Variants in HOOK1 observed in about 807,000 individuals in gnomAD.
The protein encoded by HOOK1 is hook microtubule tethering protein 1.
Under a neutral mutation model 112.8 loss-of-function variants are expected in HOOK1, and 60 were observed. That is an observed-to-expected ratio of 0.53 (90% CI 0.43 to 0.66). HOOK1 has a LOEUF of 0.66. HOOK1 is among the 30% of genes least tolerant of loss of function. HOOK1 has a pLI of 0.00. For missense variants in HOOK1, 770 were observed against 856.0 expected (o/e 0.90, Z 1.25); for synonymous variants, 294 against 283.8 (o/e 1.04, Z -0.36).
chr1:59,847,069 CCGTGTTCA>C lies in HOOK1; in HGVS notation c.815_822del (p.Arg272LeufsTer2). The C allele has an allele frequency of 6.2e-7, 1 of 1,606,006 alleles. No homozygotes were observed. Among genetic ancestry groups the C allele is most frequent in the Non-Finnish European group, 8.5e-7 (1 of 1,176,376 alleles). On this transcript the variant is annotated frameshift_variant, in exon 10 of 22. Coordinates refer to ENST00000371208, the MANE Select transcript of HOOK1 (RefSeq NM_015888.6). LOFTEE classifies it high-confidence loss of function. ...GGCTTGAAGCTGCAAAAGATGATTACCGTGTTCACTGTGAAGAACTTGAAAAGCAGCTA... is the reference window on the plus strand; with the variant it reads ...GGCTTGAAGCTGCAAAAGATGATTACCTGTGAAGAACTTGAAAAGCAGCTA...
At chr1:59,869,498 A>G (rs1644020057) in intron 20 of HOOK1, among the ~76,000 whole-genome samples, 1 of 152,124 alleles carries the variant, frequency 6.6e-6, no homozygotes, top group Admixed American at 6.6e-5. Context: ...AGCTGTATTC[A>G]GTTTCTTTTT....
At chr1:59,815,295 G>C in intron 1 of HOOK1, 115 bp downstream of exon 1, 1 of 953,088 alleles carries the variant, frequency 1.0e-6, no homozygotes, top group Non-Finnish European at 1.5e-6. Flanking sequence ...GGCGCACCCT[G>C]CCCTTCTCAC....
chr1:59,848,732 A>G (rs748551799), intron 11 of HOOK1, among the ~76,000 whole-genome samples: 50 of 151,082 alleles, frequency 3.3e-4, no homozygotes, highest in Non-Finnish European at 5.8e-4. Flanking sequence ...TCCTGAAATT[A>G]TTTTTTCTTT....
intron 8 of HOOK1, among the ~76,000 whole-genome samples, chr1:59,841,646 T>C (rs2098401067): frequency 1.3e-5 from 2 of 152,232 alleles, no homozygotes; most frequent in South Asian, 2.1e-4. Context: ...TCATTTTAAA[T>C]GGGATCATAT....
At chr1:59,862,736 G>A in intron 15 of HOOK1, 48 bp from the exon 16 acceptor site, 2 of 1,140,736 alleles carry the variant, frequency 1.8e-6, no homozygotes, top group Non-Finnish European at 1.3e-6. Context: ...ATCCTTAACT[G>A]CTTTGACTTT....
At chr1:59,854,155 G>A (rs1244962378) in intron 12 of HOOK1, among the ~76,000 whole-genome samples, 3 of 142,760 alleles carry the variant, frequency 2.1e-5, no homozygotes, top group African/African-American at 5.3e-5. Context: ...GGGTTCAAGC[G>A]ACTCTCCTGC....
intron 11 of HOOK1, among the ~76,000 whole-genome samples, chr1:59,848,762 A>G (rs1013173891): frequency 1.3e-5 from 2 of 151,416 alleles, no homozygotes; most frequent in Non-Finnish European, 3.0e-5. Context: ...ATTGTTTATT[A>G]GCATTTCTGG....
At chr1:59,845,398 A>C (rs185106685) in intron 9 of HOOK1, among the ~76,000 whole-genome samples, 6 of 151,828 alleles carry the variant, frequency 4.0e-5, no homozygotes, top group Non-Finnish European at 8.8e-5. Context: ...TCTGTCTTGT[A>C]TTTATTTTCC....
intron 1 of HOOK1, among the ~76,000 whole-genome samples, chr1:59,817,668 C>T (rs2098382644): frequency 6.6e-6 from 1 of 152,092 alleles, no homozygotes; most frequent in Non-Finnish European, 1.5e-5. Flanking sequence ...TTTTTTCCCT[C>T]TACCTAGAAT....
In HOOK1 at chr1:59,873,251, G is replaced by A. The variant is rs1317393802; in HGVS notation, c.*286G>A. The A allele has an allele frequency of 4.3e-6, 1 of 231,146 alleles. No individual in the cohort carries two copies. Among genetic ancestry groups the A allele is most frequent in the African/African-American group, 2.3e-5 (1 of 44,428 alleles). The allele number at this position is 231,146 out of a possible 1,614,324, so 14.3% of individuals were successfully genotyped here. ...TTGAGAGTATTATAATTTCAAATTG[G>A]CCTTGTATATTTTAGTTAAATGTTT... On this transcript the variant is annotated 3_prime_UTR_variant, in exon 22 of 22. Transcript: ENST00000371208.
intron 20 of HOOK1, 25 bp downstream of exon 20, chr1:59,868,376 T>G: frequency 7.8e-7 from 1 of 1,278,646 alleles, no homozygotes. Context: ...TTTACTCATC[T>G]TTTAGTTATT....
At chr1:59,869,421 A>G (rs1644018950) in intron 20 of HOOK1, among the ~76,000 whole-genome samples, 1 of 152,168 alleles carries the variant, frequency 6.6e-6, no homozygotes, top group African/African-American at 2.4e-5. Flanking sequence ...GGAACTCCTC[A>G]CCTCAAGTGA....
chr1:59,847,602 T>G (rs1284922377), intron 10 of HOOK1, among the ~76,000 whole-genome samples: 5 of 151,656 alleles, frequency 3.3e-5, no homozygotes, highest in African/African-American at 9.7e-5. Flanking sequence ...TCCTAACTTT[T>G]TTTGGGGGAG....
At chr1:59,836,010 G>A (rs1459735641) in intron 6 of HOOK1, among the ~76,000 whole-genome samples, 1 of 152,018 alleles carries the variant, frequency 6.6e-6, no homozygotes, top group Non-Finnish European at 1.5e-5. Flanking sequence ...AGGATAAACA[G>A]TCTCTGACCA....
chr1:59,829,642 T>G (rs2098392372), intron 3 of HOOK1, among the ~76,000 whole-genome samples: 1 of 152,122 alleles, frequency 6.6e-6, no homozygotes, highest in Non-Finnish European at 1.5e-5. Flanking sequence ...CTATTGGTTA[T>G]TTGTGTCTTT....
chr1:59,848,594 G>C, intron 11 of HOOK1, 78 bp downstream of exon 11: 5 of 991,454 alleles, frequency 5.0e-6, no homozygotes, highest in Non-Finnish European at 7.7e-6. Flanking sequence ...CTTAAGAATG[G>C]TAAAGAAATT....
At chr1:59,872,496 C>T (rs760862511) in intron 21 of HOOK1, among the ~76,000 whole-genome samples, 7 of 149,194 alleles carry the variant, frequency 4.7e-5, no homozygotes, top group Admixed American at 6.6e-5. Flanking sequence ...ATAGGTGGTA[C>T]GGTGATGGCC....
intron 6 of HOOK1, among the ~76,000 whole-genome samples, chr1:59,836,537 G>A (rs1290067308): frequency 6.6e-6 from 1 of 152,030 alleles, no homozygotes; most frequent in Non-Finnish European, 1.5e-5. Context: ...AACTTATAAT[G>A]TATATGAATC....
chr1:59,858,435 T>C lies in HOOK1; in HGVS notation c.1250T>C (p.Ile417Thr), dbSNP rs1282046772. Residue 417 changes from isoleucine (I) to threonine (T), a missense_variant, in exon 13 of 22, where the codon ATT (isoleucine) becomes ACT (threonine). Transcript: ENST00000371208. ...ATCAACAATTCTTTTCAGAGACTAA[T>C]TGAGCAGCGTGATACTTTGAAAGAA... is the stretch of plus-strand genomic sequence containing the variant. ...EALLKEKERL[I>T]EQRDTLKETN... 6.2e-7 allele frequency: 1 copy of C among 1,607,534 alleles called. No homozygotes were observed. Among genetic ancestry groups the C allele is most frequent in the Non-Finnish European group, 8.5e-7 (1 of 1,174,042 alleles).
Sources: allele counts gnomAD v4.1 joint callset (sites outside exome capture counted in the v4.1 genomes callset), GRCh38; gene constraint gnomAD v4.1.1; transcripts MANE v1.5; gene names NCBI Gene and HGNC (gene_info 2026-07-23, HGNC 2026-07-21).